The following TMEM181 variants were observed in gnomAD, a reference collection of about 807,000 sequenced individuals.
The protein encoded by TMEM181 is transmembrane protein 181, also known as G protein-coupled receptor 178.
A neutral mutation model predicts 71.9 loss-of-function variants in TMEM181; 39 were observed. The ratio of observed to expected loss-of-function variants is 0.54; its 90% CI spans 0.42 to 0.71. The LOEUF is 0.71. TMEM181 is among the 30% of genes least tolerant of loss of function. The probability of loss-of-function intolerance (pLI) is 0.00; values close to 1 mark genes in which losing one functional copy is unlikely to be tolerated. For synonymous variants in TMEM181, 245 were observed against 228.8 expected (o/e 1.07, Z -0.64); for missense variants, 595 against 583.0 (o/e 1.02, Z -0.21).
At chr6:158,621,603 G>T in intron 10 of TMEM181, 1 of 157,538 alleles carries the variant, frequency 6.3e-6, no homozygotes, top group South Asian at 1.7e-4. Flanking sequence ...ATTCTGCTCT[G>T]GTGGTACCTG....
intron 5 of TMEM181, among the ~76,000 whole-genome samples, chr6:158,587,741 A>C (rs1360169507): frequency 3.3e-5 from 5 of 151,628 alleles, no homozygotes. Flanking sequence ...TGATTTTCAG[A>C]GGTACATCAT....
intron 10 of TMEM181, among the ~76,000 whole-genome samples, chr6:158,614,288 T>C (rs886570925): frequency 6.6e-5 from 10 of 152,200 alleles, no homozygotes; most frequent in African/African-American, 2.4e-4. Context: ...TAGTATGAAA[T>C]AGAACTTTAG....
At chr6:158,572,761 G>T (rs1196492226) in intron 1 of TMEM181, among the ~76,000 whole-genome samples, 4 of 152,184 alleles carry the variant, frequency 2.6e-5, no homozygotes, top group African/African-American at 9.7e-5. Context: ...GAGTTTCCCT[G>T]TCTGTGTAAA....
chr6:158,631,424 T>G (rs746792793), intron 16 of TMEM181, 35 bp downstream of exon 16: 122 of 1,608,020 alleles, frequency 7.6e-5, no homozygotes, highest in Non-Finnish European at 9.5e-5. Flanking sequence ...CGGCACACCT[T>G]GGGCATCCCG....
chr6:158,581,202 T>G (rs1783450415), intron 3 of TMEM181, among the ~76,000 whole-genome samples: 1 of 152,238 alleles, frequency 6.6e-6, no homozygotes, highest in Admixed American at 6.5e-5. Flanking sequence ...AACACCTCAG[T>G]ACTTAGGAAG....
At position 158,608,766 on chromosome 6, in the gene TMEM181, A is replaced by G; in HGVS notation, c.896+16A>G. On this transcript the variant is annotated intron_variant, in intron 10 of 16. Coordinates refer to ENST00000684151, the MANE Select transcript of TMEM181 (RefSeq NM_001376852.1). The stretch of plus-strand genomic sequence containing the variant: ...TATGGCAAACGTGAGTAATTCTATT[A>G]TGTGTGAAACTTCAGTCATGAAAAG... The G allele has an allele frequency of 6.2e-7, 1 of 1,605,664 alleles. No homozygotes were observed. Among genetic ancestry groups the G allele is most frequent in the Non-Finnish European group, 8.5e-7 (1 of 1,176,762 alleles).
chr6:158,583,416 T>C (rs1214662086), intron 3 of TMEM181, among the ~76,000 whole-genome samples: 1 of 152,180 alleles, frequency 6.6e-6, no homozygotes, highest in Non-Finnish European at 1.5e-5. Flanking sequence ...AAATGTCTGC[T>C]TAGAGATTTC....
intron 6 of TMEM181, among the ~76,000 whole-genome samples, chr6:158,590,664 A>G (rs1364105620): frequency 6.6e-5 from 10 of 152,186 alleles, no homozygotes; most frequent in South Asian, 4.1e-4. Context: ...GAGTTTCACC[A>G]TGTTGGCCAG....
intron 6 of TMEM181, among the ~76,000 whole-genome samples, chr6:158,599,779 G>C (rs1232580279): frequency 6.6e-6 from 1 of 152,220 alleles, no homozygotes; most frequent in Admixed American, 6.5e-5. Flanking sequence ...CCCTACTCTC[G>C]GGGCTTCCTG....
At chr6:158,585,509 A>G (rs1311574652) in intron 5 of TMEM181, 84 bp downstream of exon 5, 4 of 1,329,996 alleles carry the variant, frequency 3.0e-6, no homozygotes, top group Non-Finnish European at 3.9e-6. Context: ...TCTAAAAGAT[A>G]GCATGGTAAG....
chr6:158,537,107 C>G (rs1270986273), intron 1 of TMEM181, among the ~76,000 whole-genome samples: 1 of 151,918 alleles, frequency 6.6e-6, no homozygotes, highest in African/African-American at 2.4e-5. Context: ...GCCCGGCGCC[C>G]CCGGGCGAAG....
At chr6:158,607,691 G>A (rs1028226916) in intron 8 of TMEM181, among the ~76,000 whole-genome samples, 1 of 152,154 alleles carries the variant, frequency 6.6e-6, no homozygotes, top group African/African-American at 2.4e-5. Flanking sequence ...CAAAACTAAA[G>A]CTGGAAGCCA....
At chr6:158,593,319 A>G (rs750693674) in intron 6 of TMEM181, among the ~76,000 whole-genome samples, 4 of 152,254 alleles carry the variant, frequency 2.6e-5, no homozygotes, top group African/African-American at 4.8e-5. Flanking sequence ...AAGTGTTTCT[A>G]TTATAGAAAA....
chr6:158,625,293 G>A, intron 12 of TMEM181, 87 bp downstream of exon 12: 1 of 1,213,830 alleles, frequency 8.2e-7, no homozygotes, highest in South Asian at 1.2e-5. Context: ...CCAAGCCAGG[G>A]GCCTTCCTTG....
chr6:158,628,588 G>T (rs1786474421), intron 14 of TMEM181, 98 bp downstream of exon 14: 1 of 1,030,182 alleles, frequency 9.7e-7, no homozygotes, highest in East Asian at 2.5e-5. Flanking sequence ...AGACAGGTCA[G>T]CTCCTCGCGC....
chr6:158,621,297 A>T (rs1785938889), intron 10 of TMEM181: 2 of 152,682 alleles, frequency 1.3e-5, no homozygotes, highest in South Asian at 4.1e-4. Flanking sequence ...TAGAATCTCG[A>T]GAAGTGATTT....
chr6:158,607,312 T>G lies in TMEM181; in HGVS notation c.642T>G (p.Ser214=). Residue 214 remains serine, a synonymous_variant, in exon 8 of 17, where the codon TCT becomes TCG. Coordinates refer to ENST00000684151, the MANE Select transcript of TMEM181 (RefSeq NM_001376852.1). ...RDWGIEQKWM[S]VLLPLLLLYN... is the part of the protein sequence containing the mutation. ...GGGGCATCGAGCAGAAGTGGATGTCTGTTCTCCTGCCTCTGCTGCTACTTT... is the reference window on the plus strand; with the variant it reads ...GGGGCATCGAGCAGAAGTGGATGTCGGTTCTCCTGCCTCTGCTGCTACTTT... 4 of 1,614,226 alleles carry G rather than the reference T, an allele frequency of 2.5e-6. No individual in the cohort carries two copies. The highest frequency in any genetic ancestry group is 3.4e-6 in the Non-Finnish European group (4 of 1,180,030).
chr6:158,603,576 AT>A (rs972288473), intron 6 of TMEM181, among the ~76,000 whole-genome samples: 4 of 115,142 alleles, frequency 3.5e-5, no homozygotes, highest in Admixed American at 1.0e-4. Context: ...TGCTATGTTG[AT>A]TTTTTTTCAG....
intron 1 of TMEM181, among the ~76,000 whole-genome samples, chr6:158,546,200 C>T (rs1000333714): frequency 6.6e-6 from 1 of 152,202 alleles, no homozygotes; most frequent in African/African-American, 2.4e-5. Flanking sequence ...AACCCGTGTT[C>T]TTCCAGTGGA....
Sources: allele counts gnomAD v4.1 joint callset (sites outside exome capture counted in the v4.1 genomes callset), GRCh38; gene constraint gnomAD v4.1.1; transcripts MANE v1.5; gene names NCBI Gene and HGNC (gene_info 2026-07-23, HGNC 2026-07-21).